STARD4: variants seen among roughly 807,000 people sequenced by gnomAD.
The protein encoded by STARD4 is stAR-related lipid transfer protein 4.
Under a neutral mutation model 24.9 loss-of-function variants are expected in STARD4, and 33 were observed. The observed-to-expected ratio is 1.32, with a 90% CI of 1.00 to 1.77. The LOEUF is 1.77. STARD4 is among the 40% of genes most tolerant of loss of function. The pLI is 0.00. For synonymous variants in STARD4, 88 were observed against 77.4 expected, an observed-to-expected ratio of 1.14 and a Z score of -0.72; for missense variants, 238 against 249.3, an observed-to-expected ratio of 0.95 and a Z score of 0.31.
At chr5:111,501,822 G>A (rs1191068883) in intron 4 of STARD4, 140 bp downstream of exon 4, 1 of 1,183,256 alleles carries the variant, frequency 8.5e-7, no homozygotes, top group Admixed American at 2.2e-5. Context: ...GGACTCCCCT[G>A]TGATATCTTT....
chr5:111,504,865 A>C, intron 3 of STARD4: 1 of 380,898 alleles, frequency 2.6e-6, no homozygotes, highest in Admixed American at 3.4e-5. Context: ...TAAAGTACTT[A>C]GAACAATATT....
rs1456490035 is a variant in STARD4 at position 111,497,308 on chromosome 5, G to T, written c.*2578C>A. 4 of 151,924 alleles carry T rather than the reference G, an allele frequency of 2.6e-5. No individual in the cohort carries two copies. Among genetic ancestry groups the T allele is most frequent in the Non-Finnish European group, 5.9e-5 (4 of 67,908 alleles). The allele number at this position is 151,924 out of a possible 1,614,324, so 9.4% of individuals were successfully genotyped here. ...AAAGTTTAGATGTCCTATTTATCAA[G>T]CAATGAAGGCTCTAGAGACTAACAA... On this transcript the variant is annotated 3_prime_UTR_variant, in exon 6 of 6. Transcript: ENST00000296632.
rs545934129 is a variant in STARD4 at position 111,506,043 on chromosome 5, A to T, written c.155+287T>A. Among the ~76,000 whole-genome samples the T allele has an allele frequency of 8.2e-4, 125 of 152,116 alleles. 2 individuals are homozygous for T. Among genetic ancestry groups the T allele is most frequent in the African/African-American group, 2.8e-3 (117 of 41,488 alleles). ...CATCTGTACTAAAAACTACAAAAAA[A>T]GTTAGCCAGGCACAGTGGCAGGTGC... On this transcript the variant is annotated intron_variant, in intron 3 of 5. Coordinates refer to ENST00000296632, the MANE Select transcript of STARD4 (RefSeq NM_139164.3).
At position 111,506,398 on chromosome 5, in the gene STARD4, T is replaced by A. The variant is rs764355416; in HGVS notation, c.106-19A>T. The A allele has an allele frequency of 1.5e-6, 2 of 1,300,430 alleles. No homozygotes were observed. Among genetic ancestry groups the A allele is most frequent in the Non-Finnish European group, 2.2e-6 (2 of 919,606 alleles). 80.6% of individuals were successfully genotyped at this position (1,300,430 alleles called of 1,614,324 possible). The stretch of plus-strand genomic sequence containing the variant: ...CATCTTTCTAGAAAAATAAAAACAT[T>A]ATATGGTAATAATTGCATAGGTGGA... On this transcript the variant is annotated intron_variant, in intron 2 of 5. Coordinates refer to ENST00000296632, the MANE Select transcript of STARD4 (RefSeq NM_139164.3).
chr5:111,502,013 C>A lies in STARD4; in HGVS notation c.231G>T (p.Leu77Phe), dbSNP rs772747713. The change falls in exon 4 of 6, where the codon TTG (leucine) becomes TTT (phenylalanine). Residue 77 changes from leucine (L) to phenylalanine (F), a missense_variant. By Grantham distance (22) the Leu-to-Phe change is conservative. Transcript: ENST00000296632. ...IDHIRPGPCR[L>F]DWDSLMTSLD... The stretch of plus-strand genomic sequence containing the variant: ...AAGAAGTCATCAAGCTGTCCCAATC[C>A]AAACGACAAGGCCCTGGGCGTATAT... The A allele has an allele frequency of 6.2e-7, 1 of 1,614,098 alleles. No individual in the cohort carries two copies. Among genetic ancestry groups the A allele is most frequent in the East Asian group, 2.2e-5 (1 of 44,882 alleles).
Position 111,498,839 on chromosome 5 carries a change from C to G in STARD4, c.*1047G>C, listed in dbSNP as rs1346657683. 6.6e-6 allele frequency: 1 copy of G among 152,142 alleles called. No individual in the cohort carries two copies. Among genetic ancestry groups the G allele is most frequent in the Non-Finnish European group, 1.5e-5 (1 of 68,014 alleles). The allele number at this position is 152,142 out of a possible 1,614,324, so 9.4% of individuals were successfully genotyped here. On this transcript the variant is annotated 3_prime_UTR_variant, in exon 6 of 6. Coordinates refer to ENST00000296632, the MANE Select transcript of STARD4 (RefSeq NM_139164.3). Reference sequence around the variant, plus strand: ...AAAAGCAAAAAACAGCTCCACTGTTCCACTTTGTCAAAATGGGTATGAAGA... The same window carrying G: ...AAAAGCAAAAAACAGCTCCACTGTTGCACTTTGTCAAAATGGGTATGAAGA...
In STARD4 at chr5:111,507,616, T is replaced by C. The variant is rs1423980813; in HGVS notation, c.-9-174A>G. On this transcript the variant is annotated intron_variant, in intron 1 of 5. Transcript: ENST00000296632. The surrounding 1 kb of genome is among the most constrained non-coding windows in gnomAD (Gnocchi z 4.4). Reference sequence around the variant, plus strand: ...GAGAGTAGGACCCGGGCATAGTTTTTTTCTAATTGCTCCCAAGATGAATAA... The same window carrying C: ...GAGAGTAGGACCCGGGCATAGTTTTCTTCTAATTGCTCCCAAGATGAATAA... 6.6e-6 allele frequency among the ~76,000 whole-genome samples: 1 copy of C among 152,192 alleles called. No homozygotes were observed. Among genetic ancestry groups the C allele is most frequent in the African/African-American group, 2.4e-5 (1 of 41,438 alleles).
In STARD4 at chr5:111,498,560, T is replaced by C. The variant is rs1228774523; in HGVS notation, c.*1326A>G. 6.6e-6 allele frequency: 1 copy of C among 151,810 alleles called. No homozygotes were observed. Among genetic ancestry groups the C allele is most frequent in the East Asian group, 1.9e-4 (1 of 5,190 alleles). 9.4% of individuals were successfully genotyped at this position (151,810 alleles called of 1,614,324 possible). ...ACCAATTTCCATGAGAAACTGAAAC[T>C]AAACTACTGAGTTTTCTTTCACTAT... On this transcript the variant is annotated 3_prime_UTR_variant, in exon 6 of 6. Transcript: ENST00000296632.
At chr5:111,511,794 A>C (rs1757309261) in intron 1 of STARD4, among the ~76,000 whole-genome samples, 1 of 152,240 alleles carries the variant, frequency 6.6e-6, no homozygotes, top group African/African-American at 2.4e-5. Context: ...TGAACCTAAA[A>C]ATCTAAGGTA....
Position 111,498,622 on chromosome 5 carries a change from A to C in STARD4, c.*1264T>G, listed in dbSNP as rs1756227831. 2.6e-5 allele frequency: 4 copies of C among 152,156 alleles called. No homozygotes were observed. The highest frequency in any genetic ancestry group is 5.9e-5 in the Non-Finnish European group (4 of 68,004). 9.4% of individuals were successfully genotyped at this position (152,156 alleles called of 1,614,324 possible). On this transcript the variant is annotated 3_prime_UTR_variant, in exon 6 of 6. Coordinates refer to ENST00000296632, the MANE Select transcript of STARD4 (RefSeq NM_139164.3). ...AAAAAAGAAGAAACCTAGTAATTCAAAAGTACATTCAATTTAGAAAAGGAT... is the reference window on the plus strand; with the variant it reads ...AAAAAAGAAGAAACCTAGTAATTCACAAGTACATTCAATTTAGAAAAGGAT...
rs1756103800 is a variant in STARD4 at position 111,496,510 on chromosome 5, A to G, written c.*3376T>C. ...CATTTAATTAAAAGAAACTGGATTT[A>G]AAACACCTGATTCTAAGGACGGTGG... On this transcript the variant is annotated 3_prime_UTR_variant, in exon 6 of 6. Coordinates refer to ENST00000296632, the MANE Select transcript of STARD4 (RefSeq NM_139164.3). The G allele has an allele frequency of 6.6e-6, 1 of 152,154 alleles. No individual in the cohort carries two copies. The highest frequency in any genetic ancestry group is 3.2e-3 in the Middle Eastern group (1 of 316). The allele number at this position is 152,154 out of a possible 1,614,324, so 9.4% of individuals were successfully genotyped here. A position where few individuals can be genotyped will look rare whatever the true frequency, so the allele number is the denominator to read the frequency against.
Position 111,507,417 on chromosome 5 carries a change from T to G in STARD4, c.17A>C (p.Asp6Ala). The G allele has an allele frequency of 1.9e-6, 3 of 1,613,584 alleles. No homozygotes were observed. Among genetic ancestry groups the G allele is most frequent in the Non-Finnish European group, 2.5e-6 (3 of 1,179,738 alleles). Residue 6 changes from aspartate (D) to alanine (A), a missense_variant, in exon 2 of 6, where the codon GAT becomes GCT. Transcript: ENST00000296632. The surrounding 1 kb of genome is among the most constrained non-coding windows in gnomAD (Gnocchi z 4.4). ...AAGTTTAGTTGCAAAAGAAGCAACA[T>G]CAGACAGGCCTTCCATTACTTCTCT... The part of the protein sequence containing the change: MEGLS[D>A]VASFATKLKN...
chr5:111,506,474 C>G (rs879897916), intron 2 of STARD4, 95 bp from the exon 3 acceptor site: 31 of 500,444 alleles, frequency 6.2e-5, no homozygotes, highest in Non-Finnish European at 1.0e-4. Context: ...TTTGTCTTTG[C>G]ATTAAAATAA....
Position 111,507,937 on chromosome 5 carries a change from G to A in STARD4, c.-9-495C>T, listed in dbSNP as rs1031483169. Among the ~76,000 whole-genome samples, 3 of 152,082 alleles carry A rather than the reference G, an allele frequency of 2.0e-5. No homozygotes were observed. The highest frequency in any genetic ancestry group is 4.4e-5 in the Non-Finnish European group (3 of 67,986). On this transcript the variant is annotated intron_variant, in intron 1 of 5. Coordinates refer to ENST00000296632, the MANE Select transcript of STARD4 (RefSeq NM_139164.3). This position sits in a 1 kb window ranked among gnomAD's most constrained non-coding sequence, Gnocchi z 4.4. ...CTATTAAAATGGCAATTGAGCCCAA[G>A]TTCTCAAGTCAAAAGGCTTGGAATT...
chr5:111,509,906 T>C (rs1757125888), intron 1 of STARD4, among the ~76,000 whole-genome samples: 1 of 152,160 alleles, frequency 6.6e-6, no homozygotes, highest in South Asian at 2.1e-4. Flanking sequence ...ATCTATTATA[T>C]ACCAGGTCCT....
Position 111,499,868 on chromosome 5 carries a change from T to C in STARD4, c.*18A>G, listed in dbSNP as rs561640671. The C allele has an allele frequency of 2.0e-5, 32 of 1,606,762 alleles. No individual in the cohort carries two copies. The Admixed American group carries it at 2.8e-4, about 14-fold the overall frequency. On this transcript the variant is annotated 3_prime_UTR_variant, in exon 6 of 6. Transcript: ENST00000296632. ...AGAGTTGATCTGTAGTACTACAAGT[T>C]TGAATGTATTTTGCCTCTCATAAAG... is the stretch of plus-strand genomic sequence containing the variant.
rs1416881343 is a variant in STARD4, at chr5:111,496,378, T to A, written c.*3508A>T. ...TTCTAGAAGTTGAATAAGAAAGACATGGAAGATACAGCAGGCAGGCAACAC... is the reference window on the plus strand; with the variant it reads ...TTCTAGAAGTTGAATAAGAAAGACAAGGAAGATACAGCAGGCAGGCAACAC... On this transcript the variant is annotated 3_prime_UTR_variant, in exon 6 of 6. Transcript: ENST00000296632. 6.6e-6 allele frequency: 1 copy of A among 152,052 alleles called. No individual in the cohort carries two copies. The highest frequency in any genetic ancestry group is 2.4e-5 in the African/African-American group (1 of 41,426). 9.4% of individuals were successfully genotyped at this position (152,052 alleles called of 1,614,324 possible).
intron 3 of STARD4, 55 bp from the exon 4 acceptor site, chr5:111,502,143 C>A: frequency 6.3e-7 from 1 of 1,577,048 alleles, no homozygotes. Context: ...TTTCAGCATA[C>A]CCTTATAGTG....
intron 3 of STARD4, among the ~76,000 whole-genome samples, chr5:111,504,858 A>G (rs1186603391): frequency 6.6e-6 from 1 of 152,202 alleles, no homozygotes; most frequent in Non-Finnish European, 1.5e-5. Context: ...CTAAATGTAA[A>G]GTACTTAGAA....
Sources: gnomAD v4.1 joint callset for allele counts (sites outside exome capture counted in the v4.1 genomes callset) on GRCh38, gnomAD v4.1.1 for gene constraint, Gnocchi (gnomAD v3.1) non-coding constraint, MANE v1.5 for transcripts, NCBI Gene and HGNC (gene_info 2026-07-23, HGNC 2026-07-21) for gene names.